STXBP3: variants seen among roughly 807,000 people sequenced by gnomAD.
STXBP3 encodes syntaxin-binding protein 3.
In STXBP3, 41 loss-of-function variants were observed where a neutral mutation model predicts 85.7. The observed-to-expected ratio is 0.48, with a 90% CI of 0.37 to 0.62. The LOEUF is 0.62. STXBP3 is among the 20% of genes least tolerant of loss of function. The pLI is 0.00. For missense variants in STXBP3, 563 were observed against 703.1 expected (o/e 0.80, Z 2.25); for synonymous variants, 229 against 231.7 (o/e 0.99, Z 0.10).
chr1:108,776,560 C>T (rs1192986179), intron 8 of STXBP3, 137 bp downstream of exon 8: 1 of 538,184 alleles, frequency 1.9e-6, no homozygotes, highest in Non-Finnish European at 3.2e-6. Flanking sequence ...ATTTGAGAAT[C>T]ATTAACATAC....
chr1:108,806,509 A>G (rs1433157883), intron 17 of STXBP3, among the ~76,000 whole-genome samples: 1 of 152,086 alleles, frequency 6.6e-6, no homozygotes, highest in African/African-American at 2.4e-5. Flanking sequence ...ACATTGTTTC[A>G]TTTCATCCTT....
chr1:108,772,854 C>G, intron 7 of STXBP3, 35 bp downstream of exon 7: 1 of 1,481,576 alleles, frequency 6.7e-7, no homozygotes. Flanking sequence ...GTTATGCTTC[C>G]TATTTACCAT....
intron 6 of STXBP3, among the ~76,000 whole-genome samples, chr1:108,771,663 TCA>T (rs374508660): frequency 0.064 from 400 of 6,210 alleles, 171 homozygotes; most frequent in Middle Eastern, 0.25. Context: ...TCTATATATA[TCA>T]TATATAAATA....
At chr1:108,796,911 G>A (rs575837510) in intron 15 of STXBP3, among the ~76,000 whole-genome samples, 185 bp downstream of exon 15, 5 of 151,692 alleles carry the variant, frequency 3.3e-5, no homozygotes, top group South Asian at 2.1e-4. Flanking sequence ...GTTTTCTAGC[G>A]AATTTGTATT....
At chr1:108,785,567 C>G (rs929399071) in intron 11 of STXBP3, among the ~76,000 whole-genome samples, 1 of 151,942 alleles carries the variant, frequency 6.6e-6, no homozygotes. Context: ...ACATTTTCCC[C>G]GTTGTTTTGG....
chr1:108,782,184 C>G, intron 9 of STXBP3: 1 of 390,894 alleles, frequency 2.6e-6, no homozygotes, highest in Non-Finnish European at 4.6e-6. Context: ...AACTAAAACT[C>G]TAATAATGGC....
chr1:108,758,528 C>A lies in STXBP3; in HGVS notation c.277C>A (p.His93Asn), dbSNP rs1314332457. 1 of 1,537,090 alleles carries A rather than the reference C, an allele frequency of 6.5e-7. No individual in the cohort carries two copies. The highest frequency in any genetic ancestry group is 2.3e-5 in the East Asian group (1 of 43,302). ...TTTTAAGTCTGTAGATTGTTTCTTA[C>A]ATGATTTTGCAAGTAAATCGGAGAA... is the stretch of plus-strand genomic sequence containing the variant. ...PTSKSVDCFL[H>N]DFASKSENKY... The change falls in exon 5 of 19, where the codon CAT becomes AAT. Residue 93 changes from histidine (H) to asparagine (N), a missense_variant. Around this residue, in one of 3 missense-constraint regions of STXBP3, gnomAD observed 494 missense variants for 592.8 expected, o/e 0.83. Transcript: ENST00000370008.
intron 12 of STXBP3, 34 bp from the exon 13 acceptor site, chr1:108,794,784 GTCATTAAAA>G (rs1663056780): frequency 1.9e-6 from 3 of 1,553,290 alleles, no homozygotes; most frequent in African/African-American, 2.7e-5. Flanking sequence ...TTGCACAAAA[GTCATTAAAA>G]TCCTTTAAAT....
intron 8 of STXBP3, among the ~76,000 whole-genome samples, chr1:108,777,766 C>T (rs1276181956): frequency 6.6e-6 from 1 of 152,094 alleles, no homozygotes; most frequent in African/African-American, 2.4e-5. Flanking sequence ...AAAGTGTCAC[C>T]TTATTTTTGA....
At position 108,766,160 on chromosome 1, in the gene STXBP3, A is replaced by C. The variant is rs151081385; in HGVS notation, c.438+6075A>C. Among the ~76,000 whole-genome samples the C allele has an allele frequency of 7.4e-3, 1,128 of 152,018 alleles. 13 individuals are homozygous for C. Among genetic ancestry groups the C allele is most frequent in the African/African-American group, 0.026 (1,078 of 41,434 alleles). On this transcript the variant is annotated intron_variant, in intron 6 of 18. Transcript: ENST00000370008. ...CAAGCCACCGTGCCTAGCTGATTTTAATAGCTTTTTTTTAACTGGAGAAAT... is the reference window on the plus strand; with the variant it reads ...CAAGCCACCGTGCCTAGCTGATTTTCATAGCTTTTTTTTAACTGGAGAAAT...
intron 11 of STXBP3, among the ~76,000 whole-genome samples, chr1:108,789,103 AT>A (rs766090705): frequency 2.0e-5 from 3 of 152,284 alleles, no homozygotes; most frequent in South Asian, 4.1e-4. Flanking sequence ...TGTTATTAAT[AT>A]TTCAAAGAAC....
intron 6 of STXBP3, among the ~76,000 whole-genome samples, chr1:108,769,524 T>G (rs1046906115): frequency 6.6e-6 from 1 of 152,024 alleles, no homozygotes; most frequent in African/African-American, 2.4e-5. Context: ...CTGGTAGAGA[T>G]AGAAACAAGC....
chr1:108,788,986 C>T (rs1451356284), intron 11 of STXBP3, among the ~76,000 whole-genome samples: 1 of 152,092 alleles, frequency 6.6e-6, no homozygotes, highest in African/African-American at 2.4e-5. Context: ...ATTGCTTGAA[C>T]CTGGGAGACG....
chr1:108,755,703 T>C (rs892188008), intron 3 of STXBP3, among the ~76,000 whole-genome samples: 4 of 152,184 alleles, frequency 2.6e-5, no homozygotes, highest in African/African-American at 9.7e-5. Context: ...ATAGCATGAC[T>C]GTAAGACACT....
chr1:108,781,358 T>G (rs547972863), intron 9 of STXBP3: 1 of 152,332 alleles, frequency 6.6e-6, no homozygotes, highest in African/African-American at 2.4e-5. Flanking sequence ...CAGTCCTTCC[T>G]GATCTTGACT....
rs576356433 is a variant in STXBP3, at chr1:108,750,472, A to G, written c.50-1785A>G. 7.2e-5 allele frequency among the ~76,000 whole-genome samples: 11 copies of G among 152,308 alleles called. No homozygotes were observed. In the South Asian group the frequency reaches 2.3e-3, roughly 32 times the overall value. ...AACACTTCCAAATCTTCTCAATCACAATACAACCTTCCAGATCACAATTCT... is the reference window on the plus strand; with the variant it reads ...AACACTTCCAAATCTTCTCAATCACGATACAACCTTCCAGATCACAATTCT... On this transcript the variant is annotated intron_variant, in intron 1 of 18. Coordinates refer to ENST00000370008, the MANE Select transcript of STXBP3 (RefSeq NM_007269.4).
chr1:108,756,801 C>A, intron 4 of STXBP3, 35 bp downstream of exon 4: 1 of 1,456,412 alleles, frequency 6.9e-7, no homozygotes, highest in African/African-American at 1.4e-5. Flanking sequence ...GCAGGTTCAT[C>A]AATATTTCAC....
intron 17 of STXBP3, among the ~76,000 whole-genome samples, chr1:108,804,745 G>A (rs1663293753): frequency 6.6e-6 from 1 of 152,206 alleles, no homozygotes; most frequent in Admixed American, 6.5e-5. Context: ...AGACAGGCCT[G>A]TGGCTAAATT....
intron 17 of STXBP3, among the ~76,000 whole-genome samples, chr1:108,802,817 T>G (rs928465117): frequency 6.6e-6 from 1 of 152,206 alleles, no homozygotes. Context: ...CTATCTTATG[T>G]TTTTAAACTT....
Sources: gnomAD v4.1 joint callset for allele counts (sites outside exome capture counted in the v4.1 genomes callset) on GRCh38, gnomAD v4.1.1 for gene constraint, gnomAD v4.1.1 regional missense constraint, MANE v1.5 for transcripts, NCBI Gene and HGNC (gene_info 2026-07-23, HGNC 2026-07-21) for gene names.